Variants in KLF12 observed in about 807,000 individuals in gnomAD.
KLF12 encodes Krueppel-like factor 12.
KLF12 carries 9 observed loss-of-function variants against 37.8 expected under a neutral mutation model. That is an observed-to-expected ratio of 0.24 (90% confidence interval 0.14 to 0.42). The LOEUF (loss-of-function observed/expected upper bound fraction) is 0.42. KLF12 is among the 10% of genes least tolerant of loss of function. The probability of loss-of-function intolerance (pLI) is 1.00; values close to 1 mark genes in which losing one functional copy is unlikely to be tolerated. For missense variants in KLF12, 411 were observed against 516.0 expected, an observed-to-expected ratio of 0.80 and a Z score of 1.97; for synonymous variants, 208 against 202.1, an observed-to-expected ratio of 1.03 and a Z score of -0.25.
intron 3 of KLF12, among the ~76,000 whole-genome samples, chr13:73,900,967 T>C (rs183481978): frequency 6.6e-6 from 1 of 152,348 alleles, no homozygotes; most frequent in East Asian, 1.9e-4. Flanking sequence ...TGTTAGCCTT[T>C]GGAAACCACT....
At chr13:73,904,283 T>A (rs1888169417) in intron 3 of KLF12, among the ~76,000 whole-genome samples, 1 of 152,150 alleles carries the variant, frequency 6.6e-6, no homozygotes, top group African/African-American at 2.4e-5. Flanking sequence ...ACAAATTTGT[T>A]TTCTGGGATG....
At chr13:74,071,628 G>A (rs1874251942) in intron 1 of KLF12, among the ~76,000 whole-genome samples, 1 of 152,182 alleles carries the variant, frequency 6.6e-6, no homozygotes, top group African/African-American at 2.4e-5. Flanking sequence ...GGGAGGCGGA[G>A]CTTGCAGTGA....
chr13:74,051,341 A>AACACACACACACACACACACACACACAC (rs10678885), intron 1 of KLF12, among the ~76,000 whole-genome samples: 2 of 143,690 alleles, frequency 1.4e-5, no homozygotes, highest in Non-Finnish European at 1.5e-5. Flanking sequence ...TACACACACA[A>AACACACACACACACACACACACACACAC]ACACACACAC....
At chr13:74,152,447 C>T in the KLF12 span, among the ~76,000 whole-genome samples, 1 of 152,166 alleles carries the variant, frequency 6.6e-6, no homozygotes, top group Non-Finnish European at 1.5e-5. Context: ...AATTGTATTA[C>T]TTCCCTAAGA....
At chr13:74,079,705 G>A (rs916506263) in intron 1 of KLF12, among the ~76,000 whole-genome samples, 12 of 152,108 alleles carry the variant, frequency 7.9e-5, no homozygotes, top group African/African-American at 2.9e-4. Flanking sequence ...ACACCTATTA[G>A]GATGGCTACT....
intron 2 of KLF12, 39 bp downstream of exon 2, chr13:73,994,951 C>A (rs767751836): frequency 1.5e-6 from 2 of 1,351,144 alleles, no homozygotes; most frequent in Middle Eastern, 1.8e-4. Context: ...CTCAAAGTAG[C>A]AATATTTTCA....
chr13:73,896,075 C>T (rs1331050535), intron 3 of KLF12, among the ~76,000 whole-genome samples: 2 of 152,020 alleles, frequency 1.3e-5, no homozygotes, highest in African/African-American at 4.8e-5. Flanking sequence ...CCCACCTTGG[C>T]CTCCTAAAGT....
intron 3 of KLF12, among the ~76,000 whole-genome samples, chr13:73,854,858 C>T (rs1031786868): frequency 1.4e-4 from 22 of 152,070 alleles, no homozygotes; most frequent in Admixed American, 6.6e-4. Flanking sequence ...TGGTTGAATC[C>T]GCAGATGTGG....
chr13:73,734,650 A>G (rs559483631), intron 6 of KLF12, among the ~76,000 whole-genome samples: 10 of 152,142 alleles, frequency 6.6e-5, no homozygotes, highest in African/African-American at 2.4e-4. Context: ...TTTTGCTATT[A>G]TCTATTGGTC....
intron 1 of KLF12, among the ~76,000 whole-genome samples, chr13:74,018,822 C>T (rs922673902): frequency 1.3e-5 from 2 of 152,160 alleles, no homozygotes; most frequent in African/African-American, 2.4e-5. Flanking sequence ...TTTTACTGAA[C>T]ATTTCTGTCT....
At chr13:74,247,834 T>C in the KLF12 span, among the ~76,000 whole-genome samples, 1 of 151,962 alleles carries the variant, frequency 6.6e-6, no homozygotes, top group African/African-American at 2.4e-5. Context: ...AGTGACCAAA[T>C]TGAATGAATT....
At chr13:73,822,293 G>A (rs545015318) in intron 4 of KLF12, among the ~76,000 whole-genome samples, 263 of 152,262 alleles carry the variant, frequency 1.7e-3, no homozygotes, top group Admixed American at 3.9e-3. Context: ...GAATGAAAAC[G>A]TTCATAATTT....
At chr13:74,295,432 C>T in the KLF12 span, among the ~76,000 whole-genome samples, 3 of 152,198 alleles carry the variant, frequency 2.0e-5, no homozygotes, top group South Asian at 2.1e-4. Flanking sequence ...TTGCTCTCTT[C>T]CCTAAGGAGC....
intron 1 of KLF12, among the ~76,000 whole-genome samples, chr13:74,081,080 C>G (rs1225885836): frequency 1.3e-5 from 2 of 152,180 alleles, no homozygotes; most frequent in Non-Finnish European, 2.9e-5. Context: ...AGTACCAACC[C>G]TGGTCCAGAG....
chr13:73,741,601 G>T (rs1362286049), intron 6 of KLF12, among the ~76,000 whole-genome samples: 1 of 151,976 alleles, frequency 6.6e-6, no homozygotes, highest in Non-Finnish European at 1.5e-5. Context: ...AGAGCTTCAG[G>T]GTCACTCATT....
At chr13:73,984,134 T>C (rs892702331) in intron 2 of KLF12, among the ~76,000 whole-genome samples, 5 of 152,136 alleles carry the variant, frequency 3.3e-5, no homozygotes, top group African/African-American at 9.7e-5. Context: ...GCAAGTGAAA[T>C]GGCAGAGAAG....
At chr13:74,080,779 T>G (rs1406623555) in intron 1 of KLF12, among the ~76,000 whole-genome samples, 2 of 152,220 alleles carry the variant, frequency 1.3e-5, no homozygotes, top group South Asian at 2.1e-4. Context: ...TAGGTACACA[T>G]AAAGTATTTC....
At chr13:74,192,584 G>T in the KLF12 span, among the ~76,000 whole-genome samples, 6 of 152,144 alleles carry the variant, frequency 3.9e-5, no homozygotes, top group Non-Finnish European at 8.8e-5. Context: ...GTTTTTGCAT[G>T]TGGCATGAGA....
At chr13:74,161,977 C>T in the KLF12 span, among the ~76,000 whole-genome samples, 2 of 152,100 alleles carry the variant, frequency 1.3e-5, no homozygotes, top group Non-Finnish European at 2.9e-5. Context: ...TTTAAAATCT[C>T]CATCATTTTT....
Sources: gnomAD v4.1 joint callset for allele counts (sites outside exome capture counted in the v4.1 genomes callset) on GRCh38, gnomAD v4.1.1 for gene constraint, MANE v1.5 for transcripts, NCBI Gene and HGNC (gene_info 2026-07-23, HGNC 2026-07-21) for gene names.